Variants in FHAD1 observed in about 807,000 individuals in gnomAD.
The protein encoded by FHAD1 is forkhead-associated domain-containing protein 1.
Under a neutral mutation model 191.3 loss-of-function variants are expected in FHAD1, and 146 were observed. That is an observed-to-expected ratio of 0.76 (90% CI 0.67 to 0.88). FHAD1 has a LOEUF of 0.88. Among genes scored for constraint, FHAD1 ranks in the 40% least tolerant of loss-of-function variants. FHAD1 has a pLI of 0.00. For missense variants in FHAD1, 1,635 were observed against 1,785.8 expected (o/e 0.92, Z 1.52); for synonymous variants, 616 against 672.3 (o/e 0.92, Z 1.29).
At position 15,352,484 on chromosome 1, in the gene FHAD1, C is replaced by T. The variant is rs1219074735; in HGVS notation, c.2455-393C>T. On this transcript the variant is annotated intron_variant, in intron 19 of 33. Transcript: ENST00000688493. ...GCAGGGACAGAAGGCACCTCCCCAGCACTGTCTCTCCTGCCCCACCTCCCA... is the reference window on the plus strand; with the variant it reads ...GCAGGGACAGAAGGCACCTCCCCAGTACTGTCTCTCCTGCCCCACCTCCCA... 2.0e-5 allele frequency among the ~76,000 whole-genome samples: 3 copies of T among 152,186 alleles called. No homozygotes were observed. In the East Asian group the frequency reaches 5.8e-4, roughly 29 times the overall value.
intron 11 of FHAD1, chr1:15,326,805 A>T (rs925397386): frequency 2.9e-6 from 1 of 343,196 alleles, no homozygotes; most frequent in Non-Finnish European, 5.3e-6. Flanking sequence ...GGTTTGAGAC[A>T]TGTGTGTGCA....
intron 10 of FHAD1, among the ~76,000 whole-genome samples, chr1:15,323,055 G>A (rs1676895166): frequency 6.6e-6 from 1 of 152,162 alleles, no homozygotes; most frequent in East Asian, 1.9e-4. Flanking sequence ...TCACCATCAG[G>A]AGAACAGCAC....
At chr1:15,386,308 C>T (rs775622932) in intron 31 of FHAD1, among the ~76,000 whole-genome samples, 6 of 152,218 alleles carry the variant, frequency 3.9e-5, no homozygotes, top group Non-Finnish European at 7.3e-5. Flanking sequence ...GCTTCCTGCC[C>T]GCTGGCGAGT....
chr1:15,290,287 G>C (rs1375472026), intron 4 of FHAD1, among the ~76,000 whole-genome samples: 1 of 152,074 alleles, frequency 6.6e-6, no homozygotes, highest in African/African-American at 2.4e-5. Flanking sequence ...ATGGCACTTG[G>C]GGAGGAAACT....
chr1:15,375,740 G>C lies in FHAD1; in HGVS notation c.3705+10G>C, dbSNP rs1270594663. 1 of 1,527,290 alleles carries C rather than the reference G, an allele frequency of 6.5e-7. No homozygotes were observed. Among genetic ancestry groups the C allele is most frequent in the Admixed American group, 2.3e-5 (1 of 44,308 alleles). 94.6% of individuals were successfully genotyped at this position (1,527,290 alleles called of 1,614,324 possible). A position where few individuals can be genotyped will look rare whatever the true frequency, so the allele number is the denominator to read the frequency against. ...AATAGAGATCCTAGCGGTAACCAAA[G>C]AAAATTCTCTCTGCTGTGACTGGCA... On this transcript the variant is annotated intron_variant, in intron 28 of 33. Transcript: ENST00000688493.
At chr1:15,273,039 G>A (rs1436247714) in intron 3 of FHAD1, among the ~76,000 whole-genome samples, 2 of 152,126 alleles carry the variant, frequency 1.3e-5, no homozygotes, top group Non-Finnish European at 2.9e-5. Flanking sequence ...TGTGAAGTCC[G>A]AGCCAGTGTT....
upstream of FHAD1, among the ~76,000 whole-genome samples, chr1:15,242,717 G>T (rs901607147): frequency 3.9e-5 from 6 of 152,192 alleles, no homozygotes; most frequent in Admixed American, 3.3e-4. Flanking sequence ...GATCAGGTTT[G>T]TTCTGGAGTA....
At chr1:15,396,434 TC>T (rs1445154417) in intron 33 of FHAD1, among the ~76,000 whole-genome samples, 1 of 152,186 alleles carries the variant, frequency 6.6e-6, no homozygotes, top group South Asian at 2.1e-4. Flanking sequence ...TAATGATGAA[TC>T]ATTTTATCTC....
intron 33 of FHAD1, among the ~76,000 whole-genome samples, chr1:15,392,510 G>C (rs1019132822): frequency 2.0e-5 from 3 of 151,804 alleles, no homozygotes; most frequent in Admixed American, 1.3e-4. Flanking sequence ...CCAGCCTGGG[G>C]ACACAGCGAG....
Position 15,367,569 on chromosome 1 carries a change from C to T in FHAD1, c.3261C>T (p.Ser1087=). The T allele has an allele frequency of 2.6e-6, 4 of 1,547,110 alleles. No individual in the cohort carries two copies. Among genetic ancestry groups the T allele is most frequent in the Non-Finnish European group, 3.5e-6 (4 of 1,146,216 alleles). The change falls in exon 25 of 34, where the codon AGC becomes AGT. Residue 1087 remains serine, a synonymous_variant. Coordinates refer to ENST00000688493, the MANE Select transcript of FHAD1 (RefSeq NM_001391957.1). Reference sequence around the variant, plus strand: ...TCAAGGAGAAGATGGCCCAGATGAGCAGCCTGGTAGAAAAGAAAGATCGGG... The same window carrying T: ...TCAAGGAGAAGATGGCCCAGATGAGTAGCCTGGTAGAAAAGAAAGATCGGG... ...SVLKEKMAQM[S]SLVEKKDREL...
intron 10 of FHAD1, among the ~76,000 whole-genome samples, chr1:15,321,042 G>A (rs201570934): frequency 3.8e-4 from 58 of 152,024 alleles, no homozygotes; most frequent in African/African-American, 1.4e-3. Context: ...TCAAGCAATT[G>A]TCCTGCCTCA....
At chr1:15,339,602 G>A in intron 15 of FHAD1, 51 bp downstream of exon 15, 1 of 918,438 alleles carries the variant, frequency 1.1e-6, no homozygotes, top group Non-Finnish European at 1.5e-6. Context: ...CCCCTGGTTG[G>A]CATTTATATA....
intron 23 of FHAD1, among the ~76,000 whole-genome samples, chr1:15,365,481 A>ATT (rs71587751): frequency 1.9e-4 from 21 of 112,754 alleles, no homozygotes; most frequent in Admixed American, 3.6e-4. Flanking sequence ...TGCCTGGCTA[A>ATT]TTTTTTTTTT....
intron 25 of FHAD1, 99 bp downstream of exon 25, chr1:15,367,721 TTGAA>T: frequency 9.5e-6 from 9 of 943,976 alleles, no homozygotes; most frequent in South Asian, 1.6e-5. Flanking sequence ...GCTTGAGGAG[TTGAA>T]TGAATGAATG....
rs959089433 is a variant in FHAD1 at position 15,360,543 on chromosome 1, A to G, written c.2802A>G (p.Glu934=). The G allele has an allele frequency of 3.9e-6, 6 of 1,552,004 alleles. No individual in the cohort carries two copies. In the South Asian group the frequency reaches 5.9e-5, roughly 15 times the overall value. Residue 934 remains glutamate (E), a synonymous_variant, in exon 22 of 34, where the codon GAA becomes GAG. Coordinates refer to ENST00000688493, the MANE Select transcript of FHAD1 (RefSeq NM_001391957.1). ...TAAAGGCCCTCCAGGATGAGCAGGAATCACAGAGACACGGGTTTGAAGAAG... is the reference window on the plus strand; with the variant it reads ...TAAAGGCCCTCCAGGATGAGCAGGAGTCACAGAGACACGGGTTTGAAGAAG... ...KMVKALQDEQ[E]SQRHGFEEEI... is the part of the protein sequence containing the mutation.
At chr1:15,386,740 G>GAAAATA (rs1191529367) in intron 31 of FHAD1, among the ~76,000 whole-genome samples, 4 of 152,100 alleles carry the variant, frequency 2.6e-5, no homozygotes, top group African/African-American at 9.7e-5. Flanking sequence ...AAATGAAAAT[G>GAAAATA]TGCCTAACCC....
chr1:15,327,392 T>A lies in FHAD1; in HGVS notation c.1557+250T>A. On this transcript the variant is annotated intron_variant, in intron 12 of 33. Coordinates refer to ENST00000688493, the MANE Select transcript of FHAD1 (RefSeq NM_001391957.1). This position sits in a 1 kb window ranked among gnomAD's most constrained non-coding sequence, Gnocchi z 5.1. ...AAACCATTCGGGCTTACTTCTGGTC[T>A]CCAGACATGCATGTTTCGCCTCCAT... 1 of 419,614 alleles carries A rather than the reference T, an allele frequency of 2.4e-6. No individual in the cohort carries two copies. 26.0% of individuals were successfully genotyped at this position (419,614 alleles called of 1,614,324 possible).
intron 16 of FHAD1, among the ~76,000 whole-genome samples, chr1:15,343,423 TC>T (rs1687592068): frequency 6.6e-6 from 1 of 150,656 alleles, no homozygotes; most frequent in African/African-American, 2.5e-5. Flanking sequence ...TCTCCTCTCT[TC>T]CCCGGAAGAG....
chr1:15,348,122 T>A lies in FHAD1; in HGVS notation c.2347-920T>A, dbSNP rs531715370. 2.0e-5 allele frequency among the ~76,000 whole-genome samples: 3 copies of A among 152,374 alleles called. No individual in the cohort carries two copies. The East Asian group carries it at 5.8e-4, about 29-fold the overall frequency. On this transcript the variant is annotated intron_variant, in intron 18 of 33. Transcript: ENST00000688493. Reference sequence around the variant, plus strand: ...GATCCAAATAAACGTGAAATTCTTATGATGTCACTTTTCTTCTGCTTTAAG... The same window carrying A: ...GATCCAAATAAACGTGAAATTCTTAAGATGTCACTTTTCTTCTGCTTTAAG...
Sources: gnomAD v4.1 joint callset for allele counts (sites outside exome capture counted in the v4.1 genomes callset) on GRCh38, gnomAD v4.1.1 for gene constraint, Gnocchi (gnomAD v3.1) non-coding constraint, MANE v1.5 for transcripts, NCBI Gene and HGNC (gene_info 2026-07-23, HGNC 2026-07-21) for gene names.